ART5: variants seen among roughly 807,000 people sequenced by gnomAD.
The protein encoded by ART5 is ecto-ADP-ribosyltransferase 5.
ART5 carries 22 observed loss-of-function variants against 25.0 expected under a neutral mutation model. The ratio of observed to expected loss-of-function variants is 0.88; its 90% CI spans 0.63 to 1.26. ART5 has a LOEUF of 1.26. Ranked by LOEUF, ART5 falls within the 50% of genes most tolerant of loss-of-function variation. The pLI is 0.00. For synonymous variants in ART5, 161 were observed against 154.8 expected, an observed-to-expected ratio of 1.04 and a Z score of -0.30; for missense variants, 402 against 372.8, an observed-to-expected ratio of 1.08 and a Z score of -0.64.
upstream of ART5, chr11:3,642,216 A>C: frequency 3.5e-6 from 4 of 1,156,786 alleles, no homozygotes; most frequent in Non-Finnish European, 4.3e-6. Context: ...GGGAGCGCCG[A>C]GGGCTCTGGC....
rs780783369 is a variant in ART5 at position 3,638,748 on chromosome 11, T to C, written c.866A>G (p.Gln289Arg). ...CCATGTTCTTGCTTCTCAAGGCTGC[T>C]GGAGGTGCCTCTTCGTCATATGAAG... ...GDLHMTKRHL[Q>R]QP Residue 289 changes from glutamine to arginine, a missense_variant, in exon 4 of 4, where the codon CAG becomes CGG. By Grantham distance (43) the Gln-to-Arg change is conservative (BLOSUM62 1). Coordinates refer to ENST00000397068, the MANE Select transcript of ART5 (RefSeq NM_053017.5). 18 of 1,614,196 alleles carry C rather than the reference T, an allele frequency of 1.1e-5. 1 individual carries two copies. The South Asian group carries it at 2.0e-4, about 18-fold the overall frequency.
At chr11:3,642,034 CCCGCCCCCCGCCCCAAGTCT>C (rs769668361), upstream of ART5, 1 of 1,411,286 alleles carries the variant, frequency 7.1e-7, no homozygotes, top group Non-Finnish European at 9.3e-7. Flanking sequence ...GAGTTTATTG[CCCGCCCCCCGCCCCAAGTCT>C]CCGCCCCCGA....
At chr11:3,638,879 C>G in intron 3 of ART5, 86 bp from the exon 4 acceptor site, 1 of 1,612,428 alleles carries the variant, frequency 6.2e-7, no homozygotes, top group Non-Finnish European at 8.5e-7. Context: ...TCCAGGGGGG[C>G]AGAGAGGAGG....
chr11:3,642,119 A>G (rs1320731166), upstream of ART5: 31 of 1,331,292 alleles, frequency 2.3e-5, no homozygotes, highest in Non-Finnish European at 3.0e-5. Flanking sequence ...CGAGACTGTA[A>G]AGGCGGGGCC....
chr11:3,638,769 TGAA>T lies in ART5; in HGVS notation c.842_844del (p.Leu281del), dbSNP rs753390022. The T allele has an allele frequency of 6.2e-6, 10 of 1,614,106 alleles. No homozygotes were observed. The highest frequency in any genetic ancestry group is 7.6e-6 in the Non-Finnish European group (9 of 1,180,022). On this transcript the variant is annotated inframe_deletion, in exon 4 of 4. Coordinates refer to ENST00000397068, the MANE Select transcript of ART5 (RefSeq NM_053017.5). ...CTGCTGGAGGTGCCTCTTCGTCATA[TGAA>T]GGTCACCCGTTCCCAGGGCTCCTAA...
rs1477479323 is a variant in ART5 at position 3,641,931 on chromosome 11, C to T, written c.-69G>A. 10 of 1,537,732 alleles carry T rather than the reference C, an allele frequency of 6.5e-6. No homozygotes were observed. Among genetic ancestry groups the T allele is most frequent in the African/African-American group, 1.4e-5 (1 of 73,006 alleles). ...ACCAGAGGTGCTGGAGTCCTGGTTT[C>T]GAGGGGCTGGAGGCAGATCTGGACC... On this transcript the variant is annotated 5_prime_UTR_variant, in exon 1 of 4. Coordinates refer to ENST00000397068, the MANE Select transcript of ART5 (RefSeq NM_053017.5).
upstream of ART5, chr11:3,642,143 G>A (rs1199359729): frequency 3.1e-6 from 4 of 1,300,306 alleles, no homozygotes; most frequent in Non-Finnish European, 3.9e-6. Context: ...GTTTGGCTCC[G>A]CCTGAGAGGG....
Position 3,640,048 on chromosome 11 carries a change from G to A in ART5, c.381C>T (p.His127=). The change falls in exon 2 of 4, where the codon CAC becomes CAT. Residue 127 remains histidine, a synonymous_variant. Coordinates refer to ENST00000397068, the MANE Select transcript of ART5 (RefSeq NM_053017.5). ...AGAAATGCAGGGCCTTGAAGGGAAA[G>A]TGCCTCATGTAGAGCTCCCGGGAGC... ...GGGSRELYMR[H]FPFKALHFYL... 1 of 1,614,188 alleles carries A rather than the reference G, an allele frequency of 6.2e-7. No homozygotes were observed. Among genetic ancestry groups the A allele is most frequent in the Non-Finnish European group, 8.5e-7 (1 of 1,180,044 alleles).
chr11:3,638,631 C>A lies in ART5; in HGVS notation c.*107G>T. 1 of 1,380,448 alleles carries A rather than the reference C, an allele frequency of 7.2e-7. No homozygotes were observed. Among genetic ancestry groups the A allele is most frequent in the Non-Finnish European group, 1.0e-6 (1 of 974,672 alleles). 85.5% of individuals were successfully genotyped at this position (1,380,448 alleles called of 1,614,324 possible). ...CTTTCCTTGCTTGTCCCAGGAAGTCCCCATCACATAGCAGAGTTCCCTCAG... is the reference window on the plus strand; with the variant it reads ...CTTTCCTTGCTTGTCCCAGGAAGTCACCATCACATAGCAGAGTTCCCTCAG... On this transcript the variant is annotated 3_prime_UTR_variant, in exon 4 of 4. Transcript: ENST00000397068.
chr11:3,642,149 G>C (rs984400655), upstream of ART5: 3 of 1,290,452 alleles, frequency 2.3e-6, no homozygotes, highest in African/African-American at 3.0e-5. Context: ...CTCCGCCTGA[G>C]AGGGGAGGGC....
At chr11:3,640,567 C>CTT (rs33933264) in intron 1 of ART5, among the ~76,000 whole-genome samples, 196 bp from the exon 2 acceptor site, 2 of 126,918 alleles carry the variant, frequency 1.6e-5, no homozygotes, top group African/African-American at 5.9e-5. Context: ...GGACTGAAAT[C>CTT]TTTTTTTTTT....
At chr11:3,642,375 G>A (rs564686650), upstream of ART5, 23 of 770,914 alleles carry the variant, frequency 3.0e-5, no homozygotes, top group African/African-American at 1.9e-4. Flanking sequence ...CAGGGACTGA[G>A]GAGCAATTCC....
In ART5 at chr11:3,639,655, G is replaced by A. The variant is rs750949438; in HGVS notation, c.774C>T (p.Cys258=). The change falls in exon 2 of 4, where the codon TGC becomes TGT. Residue 258 remains cysteine, a synonymous_variant. Transcript: ENST00000397068. ...SYNQTCSHFN[C]AYLGGEKRRG... ...TGCACAGCTTACCACCCAGATAGGCGCAGTTAAAATGGCTACAGGTCTGAT... is the reference window on the plus strand; with the variant it reads ...TGCACAGCTTACCACCCAGATAGGCACAGTTAAAATGGCTACAGGTCTGAT... 5.6e-5 allele frequency: 91 copies of A among 1,612,258 alleles called. No individual in the cohort carries two copies. The Admixed American group carries it at 6.2e-4, about 11-fold the overall frequency.
chr11:3,640,399 A>G, intron 1 of ART5, 28 bp from the exon 2 acceptor site: 2 of 1,556,846 alleles, frequency 1.3e-6, no homozygotes, highest in Non-Finnish European at 1.7e-6. Context: ...TGCCACACCG[A>G]AAAGAGCATA....
chr11:3,639,110 C>A, intron 2 of ART5, 75 bp from the exon 3 acceptor site: 1 of 1,488,406 alleles, frequency 6.7e-7, no homozygotes, highest in Non-Finnish European at 9.1e-7. Flanking sequence ...CAGGCCCTGG[C>A]AGGGCCATTT....
Position 3,641,718 on chromosome 11 carries a change from G to A in ART5, c.57+88C>T. 4 of 1,537,356 alleles carry A rather than the reference G, an allele frequency of 2.6e-6. No homozygotes were observed. The East Asian group carries it at 7.4e-5, about 28-fold the overall frequency. On this transcript the variant is annotated intron_variant, in intron 1 of 3. Transcript: ENST00000397068. ...TCCTAGGGAAGAGTCCCTGGGAGAG[G>A]GATGTGAGGAGTCAGCCCCGGGTCC...
At chr11:3,642,286 C>G (rs574730966), upstream of ART5, 2 of 1,028,672 alleles carry the variant, frequency 1.9e-6, no homozygotes, top group Non-Finnish European at 2.3e-6. Flanking sequence ...GTTCTCGAGG[C>G]TAACTGTAGC....
rs866613845 is a variant in ART5, at chr11:3,639,851, C to T, written c.578G>A (p.Arg193Lys). 1 of 1,614,220 alleles carries T rather than the reference C, an allele frequency of 6.2e-7. No homozygotes were observed. The highest frequency in any genetic ancestry group is 8.5e-7 in the Non-Finnish European group (1 of 1,180,034). ...SSSLDKAVAH[R>K]FGNATLFSLT... is the part of the protein sequence containing the mutation. ...AGAGAAGAGGGTGGCATTACCAAAT[C>T]TGTGGGCCACTGCCTTATCCAGGGA... Residue 193 changes from arginine (R) to lysine (K), a missense_variant, in exon 2 of 4, where the codon AGA becomes AAA. Transcript: ENST00000397068.
At chr11:3,641,607 A>C (rs570872026) in intron 1 of ART5, among the ~76,000 whole-genome samples, 199 bp downstream of exon 1, 1 of 152,212 alleles carries the variant, frequency 6.6e-6, no homozygotes, top group South Asian at 2.1e-4. Flanking sequence ...AGAGGGATGG[A>C]GATGGGGGTT....
Sources: gnomAD v4.1 joint callset for allele counts (sites outside exome capture counted in the v4.1 genomes callset) on GRCh38, gnomAD v4.1.1 for gene constraint, MANE v1.5 for transcripts, NCBI Gene and HGNC (gene_info 2026-07-23, HGNC 2026-07-21) for gene names.